GCM1: variants seen among roughly 807,000 people sequenced by gnomAD.
GCM1 encodes chorion-specific transcription factor GCMa.
In GCM1, 2 loss-of-function variants were observed where a neutral mutation model predicts 25.7. The ratio of observed to expected loss-of-function variants is 0.08; its 90% CI spans 0.03 to 0.24. The LOEUF (loss-of-function observed/expected upper bound fraction) is 0.24, where lower values mean the gene tolerates loss of function less well. GCM1 is among the 10% of genes least tolerant of loss of function. The pLI is 1.00. For synonymous variants in GCM1, 183 were observed against 195.7 expected, an observed-to-expected ratio of 0.94 and a Z score of 0.54; for missense variants, 395 against 538.7, an observed-to-expected ratio of 0.73 and a Z score of 2.64.
In GCM1 at chr6:53,128,143, G is replaced by A. The variant is rs1763670603; in HGVS notation, c.*63C>T. The A allele has an allele frequency of 7.8e-7, 1 of 1,281,360 alleles. No homozygotes were observed. Among genetic ancestry groups the A allele is most frequent in the East Asian group, 2.4e-5 (1 of 42,364 alleles). 79.4% of individuals were successfully genotyped at this position (1,281,360 alleles called of 1,614,324 possible). ...TTATGTTTTAAAAATTATTTCCTAA[G>A]GAAATTCTTTCAGCCCTTCCCCATT... On this transcript the variant is annotated 3_prime_UTR_variant, in exon 6 of 6. Coordinates refer to ENST00000259803, the MANE Select transcript of GCM1 (RefSeq NM_003643.4).
intron 2 of GCM1, 50 bp downstream of exon 2, chr6:53,145,499 TTAATAGTCA>T (rs1207732680): frequency 3.4e-6 from 3 of 889,624 alleles, no homozygotes; most frequent in Non-Finnish European, 5.8e-6. Flanking sequence ...TCTCCGCATG[TTAATAGTCA>T]AGACTTCACA....
At chr6:53,146,882 T>A (rs11755485) in intron 1 of GCM1, among the ~76,000 whole-genome samples, 16,818 of 151,852 alleles carry the variant, frequency 0.11, 2,085 homozygotes, top group African/African-American at 0.31. Context: ...GAAGTACAAA[T>A]CACTAGCTGG....
At chr6:53,135,997 T>C (rs1189318488) in intron 2 of GCM1, among the ~76,000 whole-genome samples, 1 of 152,252 alleles carries the variant, frequency 6.6e-6, no homozygotes, top group East Asian at 1.9e-4. Flanking sequence ...AAAAGTGCTG[T>C]GAAGAGCAGA....
chr6:53,146,207 T>TAC lies in GCM1; in HGVS notation c.-136-440_-136-439insGT, dbSNP rs1763952766. 5.1e-5 allele frequency among the ~76,000 whole-genome samples: 3 copies of TAC among 59,238 alleles called. No homozygotes were observed. In the South Asian group the frequency reaches 2.3e-3, roughly 46 times the overall value. 38.9% of individuals were successfully genotyped at this position (59,238 alleles called of 152,430 possible). The stretch of plus-strand genomic sequence containing the variant: ...TACATATATGTTTTATATATATATA[T>TAC]ATATATATATTTTTTTTTTTTTTTT... On this transcript the variant is annotated intron_variant, in intron 1 of 5. Transcript: ENST00000259803.
At position 53,142,022 on chromosome 6, in the gene GCM1, A is replaced by G. The variant is rs1002365146; in HGVS notation, c.75+3536T>C. Among the ~76,000 whole-genome samples the G allele has an allele frequency of 4.7e-4, 65 of 138,486 alleles. 1 individual carries two copies. The East Asian group carries it at 8.6e-3, about 18-fold the overall frequency. The allele number at this position is 138,486 out of a possible 152,430, so 90.9% of individuals were successfully genotyped here. A position where few individuals can be genotyped will look rare whatever the true frequency, so the allele number is the denominator to read the frequency against. On this transcript the variant is annotated intron_variant, in intron 2 of 5. Coordinates refer to ENST00000259803, the MANE Select transcript of GCM1 (RefSeq NM_003643.4). ...CCTGAAAAAAAAAAAAAAAAAAAAA[A>G]AAAAAAAAAAAAAAAAAAACAGAAA...
chr6:53,143,807 A>G (rs1411483906), intron 2 of GCM1, among the ~76,000 whole-genome samples: 1 of 147,036 alleles, frequency 6.8e-6, no homozygotes, highest in Non-Finnish European at 1.5e-5. Flanking sequence ...CGAAGAGAGG[A>G]TACAGATGTG....
chr6:53,136,558 C>T (rs902040961), intron 2 of GCM1, among the ~76,000 whole-genome samples: 2 of 152,180 alleles, frequency 1.3e-5, no homozygotes, highest in East Asian at 1.9e-4. Flanking sequence ...TGTTATTCTA[C>T]CAGATCTGGA....
intron 2 of GCM1, among the ~76,000 whole-genome samples, chr6:53,140,189 AG>A (rs1763855016): frequency 1.3e-5 from 2 of 152,176 alleles, no homozygotes; most frequent in Non-Finnish European, 2.9e-5. Flanking sequence ...TGTCTGGCAA[AG>A]GGGGCAAAGT....
In GCM1 at chr6:53,134,653, G is replaced by A. The variant is rs148108538; in HGVS notation, c.76-329C>T. On this transcript the variant is annotated intron_variant, in intron 2 of 5. Coordinates refer to ENST00000259803, the MANE Select transcript of GCM1 (RefSeq NM_003643.4). Reference sequence around the variant, plus strand: ...TAGGAATTTTTGAAGGTTAAGTAATGCTATGCTCTTACACAATAACTATAG... The same window carrying A: ...TAGGAATTTTTGAAGGTTAAGTAATACTATGCTCTTACACAATAACTATAG... Among the ~76,000 whole-genome samples, 446 of 152,324 alleles carry A rather than the reference G, an allele frequency of 2.9e-3. 3 individuals carry two copies. The highest frequency in any genetic ancestry group is 9.3e-3 in the African/African-American group (385 of 41,570).
intron 2 of GCM1, among the ~76,000 whole-genome samples, chr6:53,138,079 C>G (rs1763823997): frequency 6.6e-6 from 1 of 152,000 alleles, no homozygotes; most frequent in Non-Finnish European, 1.5e-5. Flanking sequence ...GCCAGGAGTT[C>G]AAGACCAGAC....
At chr6:53,132,263 A>AT in intron 3 of GCM1, 144 bp from the exon 4 acceptor site, 2 of 640,950 alleles carry the variant, frequency 3.1e-6, no homozygotes, top group Non-Finnish European at 5.6e-6. Flanking sequence ...AATCCACTAG[A>AT]TATTACCCCT....
At chr6:53,132,200 G>T in intron 3 of GCM1, 81 bp from the exon 4 acceptor site, 1 of 897,830 alleles carries the variant, frequency 1.1e-6, no homozygotes, top group Non-Finnish European at 1.9e-6. Flanking sequence ...GAAGATTTTA[G>T]CCCTGACTCA....
intron 2 of GCM1, among the ~76,000 whole-genome samples, chr6:53,142,061 A>AGAAG (rs1308529781): frequency 6.8e-6 from 1 of 147,132 alleles, no homozygotes; most frequent in African/African-American, 2.5e-5. Flanking sequence ...AAAGAAAGAA[A>AGAAG]GAAGGAAGGA....
In GCM1 at chr6:53,127,912, C is replaced by A; in HGVS notation, c.*294G>T. 4.8e-6 allele frequency: 1 copy of A among 206,718 alleles called. No homozygotes were observed. The highest frequency in any genetic ancestry group is 9.5e-6 in the Non-Finnish European group (1 of 105,670). 12.8% of individuals were successfully genotyped at this position (206,718 alleles called of 1,614,324 possible). A position where few individuals can be genotyped will look rare whatever the true frequency, so the allele number is the denominator to read the frequency against. On this transcript the variant is annotated 3_prime_UTR_variant, in exon 6 of 6. Coordinates refer to ENST00000259803, the MANE Select transcript of GCM1 (RefSeq NM_003643.4). ...GGCGCAGTGGCAGGTGCCTGTAATCCCAGCTACTCGGGAGGCTGACGCAGG... is the reference window on the plus strand; with the variant it reads ...GGCGCAGTGGCAGGTGCCTGTAATCACAGCTACTCGGGAGGCTGACGCAGG...
rs112400625 is a variant in GCM1, at chr6:53,134,234, G to A, written c.166C>T (p.Leu56=). The change falls in exon 3 of 6, where the codon CTG becomes TTG. Residue 56 remains leucine, a synonymous_variant. Transcript: ENST00000259803. ...GTATTGCGCATGGCCCAGCTGCTCA[G>A]GTGCCGCTGCGCATTCTTGTCCTCC... ...SSEDKNAQRH[L]SSWAMRNTNN... The A allele has an allele frequency of 1.7e-5, 27 of 1,614,130 alleles. No homozygotes were observed. Among genetic ancestry groups the A allele is most frequent in the African/African-American group, 1.6e-4 (12 of 75,028 alleles).
At chr6:53,146,090 G>A (rs939587059) in intron 1 of GCM1, among the ~76,000 whole-genome samples, 11 of 151,602 alleles carry the variant, frequency 7.3e-5, no homozygotes, top group African/African-American at 2.4e-4. Flanking sequence ...ATACTGGCTT[G>A]GAGTTGTTTC....
chr6:53,144,206 G>A (rs894949177), intron 2 of GCM1, among the ~76,000 whole-genome samples: 6 of 152,112 alleles, frequency 3.9e-5, no homozygotes, highest in Non-Finnish European at 5.9e-5. Flanking sequence ...AGGGTTGTTC[G>A]TGGCCAGTAG....
At chr6:53,144,914 CAAAAA>C (rs11286993) in intron 2 of GCM1, among the ~76,000 whole-genome samples, 1 of 70,754 alleles carries the variant, frequency 1.4e-5, no homozygotes, top group Non-Finnish European at 3.0e-5. Context: ...GACCCTACCT[CAAAAA>C]AAAAAAAAAA....
intron 1 of GCM1, among the ~76,000 whole-genome samples, chr6:53,146,683 G>T (rs1302478420): frequency 2.0e-5 from 3 of 152,104 alleles, no homozygotes; most frequent in Non-Finnish European, 4.4e-5. Context: ...TGACATTTTG[G>T]ACCAGATAAT....
Sources: gnomAD v4.1 joint callset for allele counts (sites outside exome capture counted in the v4.1 genomes callset) on GRCh38, gnomAD v4.1.1 for gene constraint, MANE v1.5 for transcripts, NCBI Gene and HGNC (gene_info 2026-07-23, HGNC 2026-07-21) for gene names.